Variants in TBC1D16 observed in about 807,000 individuals in gnomAD.
The protein encoded by TBC1D16 is CTD-2529O21.1.
In TBC1D16, 58 loss-of-function variants were observed where a neutral mutation model predicts 74.7. That is an observed-to-expected ratio of 0.78 (90% CI 0.63 to 0.97). The LOEUF is 0.97. TBC1D16 is among the 50% of genes least tolerant of loss of function. The probability of loss-of-function intolerance (pLI) is 0.00; values close to 1 mark genes in which losing one functional copy is unlikely to be tolerated. For missense variants in TBC1D16, 1,014 were observed against 1,079.5 expected (o/e 0.94, Z 0.85); for synonymous variants, 493 against 474.7 (o/e 1.04, Z -0.50).
At position 80,008,125 on chromosome 17, in the gene TBC1D16, G is replaced by A. The variant is rs145382152; in HGVS notation, c.779+2035C>T. On this transcript the variant is annotated intron_variant, in intron 3 of 11. Transcript: ENST00000310924. This position sits in a 1 kb window ranked among gnomAD's most constrained non-coding sequence, Gnocchi z 4.5. Reference sequence around the variant, plus strand: ...TCTAGAAGAACCTGGAGGGACCTGGGCATCAGCGTCTAAAGGCTCCCCCAG... The same window carrying A: ...TCTAGAAGAACCTGGAGGGACCTGGACATCAGCGTCTAAAGGCTCCCCCAG... Among the ~76,000 whole-genome samples, 286 of 152,180 alleles carry A rather than the reference G, an allele frequency of 1.9e-3. No individual in the cohort carries two copies. Among genetic ancestry groups the A allele is most frequent in the African/African-American group, 6.3e-3 (262 of 41,500 alleles).
chr17:79,968,285 C>T (rs2033923028), intron 3 of TBC1D16, among the ~76,000 whole-genome samples: 2 of 152,212 alleles, frequency 1.3e-5, no homozygotes, highest in Admixed American at 1.3e-4. Context: ...GGATTCGAGG[C>T]ATGAGCCGCT....
At chr17:79,977,698 G>A (rs1358960450) in intron 3 of TBC1D16, among the ~76,000 whole-genome samples, 1 of 152,244 alleles carries the variant, frequency 6.6e-6, no homozygotes, top group Non-Finnish European at 1.5e-5. Context: ...CAAAACTGAA[G>A]CACGTCTGGC....
At chr17:80,024,496 A>ATACACACAC (rs1442662363) in intron 1 of TBC1D16, among the ~76,000 whole-genome samples, 3 of 147,262 alleles carry the variant, frequency 2.0e-5, no homozygotes, top group Non-Finnish European at 4.5e-5. Context: ...GACACACACC[A>ATACACACAC]CACGCACCAT....
rs181082379 is a variant in TBC1D16, at chr17:79,980,203, T to C, written c.780-27385A>G. Among the ~76,000 whole-genome samples, 59 of 152,310 alleles carry C rather than the reference T, an allele frequency of 3.9e-4. No homozygotes were observed. Among genetic ancestry groups the C allele is most frequent in the African/African-American group, 1.4e-3 (58 of 41,560 alleles). On this transcript the variant is annotated intron_variant, in intron 3 of 11. Coordinates refer to ENST00000310924, the MANE Select transcript of TBC1D16 (RefSeq NM_019020.4). The surrounding 1 kb of genome is among the most constrained non-coding windows in gnomAD (Gnocchi z 7.0). ...GACGTTCCCCTAGGCAATTTAAAAATGGAGTGAATACTGATAATAATTTGA... is the reference window on the plus strand; with the variant it reads ...GACGTTCCCCTAGGCAATTTAAAAACGGAGTGAATACTGATAATAATTTGA...
In TBC1D16 at chr17:79,950,484, C is replaced by T; in HGVS notation, c.1184G>A (p.Arg395Lys). 6.2e-7 allele frequency: 1 copy of T among 1,613,318 alleles called. No homozygotes were observed. Among genetic ancestry groups the T allele is most frequent in the Non-Finnish European group, 8.5e-7 (1 of 1,179,888 alleles). The change falls in exon 6 of 12, where the codon AGG (arginine) becomes AAG (lysine). Residue 395 changes from arginine (R) to lysine (K), a missense_variant. Transcript: ENST00000310924. This position sits in a 1 kb window ranked among gnomAD's most constrained non-coding sequence, Gnocchi z 4.6. ...ETHPEESMYK[R>K]LGVSAWLNHL... is the part of the protein sequence containing the mutation. ...GTTGAGCCAGGCGGAGACGCCGAGC[C>T]TCTTGTACATGCTCTCCTCGGGGTG...
Position 79,948,898 on chromosome 17 carries a change from T to G in TBC1D16, c.1515A>C (p.Glu505Asp). The G allele has an allele frequency of 6.2e-7, 1 of 1,614,078 alleles. No homozygotes were observed. Among genetic ancestry groups the G allele is most frequent in the East Asian group, 2.2e-5 (1 of 44,880 alleles). ...TDRNNQFFRG[E>D]DNPNVESMRR... ...TCATGCTCTCCACATTGGGATTGTC[T>G]TCCCCCCGGAAGAACTGGTTGTTCC... Residue 505 changes from glutamate (E) to aspartate (D), a missense_variant, in exon 8 of 12, where the codon GAA becomes GAC. Glu to Asp is a conservative substitution (Grantham distance 45, BLOSUM62 2). Transcript: ENST00000310924.
Position 79,988,934 on chromosome 17 carries a change from C to T in TBC1D16, c.779+21226G>A, listed in dbSNP as rs1007343698. Among the ~76,000 whole-genome samples, 5 of 152,226 alleles carry T rather than the reference C, an allele frequency of 3.3e-5. No homozygotes were observed. Among genetic ancestry groups the T allele is most frequent in the Non-Finnish European group, 5.9e-5 (4 of 68,044 alleles). On this transcript the variant is annotated intron_variant, in intron 3 of 11. Coordinates refer to ENST00000310924, the MANE Select transcript of TBC1D16 (RefSeq NM_019020.4). This position sits in a 1 kb window ranked among gnomAD's most constrained non-coding sequence, Gnocchi z 5.7. ...TGCCCGCCGGCCCCAGGCCCTCCCT[C>T]AGGACCCAGCACCTTCAGTCCTCCT...
At chr17:79,998,635 G>A (rs982518883) in intron 3 of TBC1D16, among the ~76,000 whole-genome samples, 3 of 149,156 alleles carry the variant, frequency 2.0e-5, no homozygotes, top group Non-Finnish European at 4.4e-5. Flanking sequence ...GTGAGCCACC[G>A]CACCCGGCCC....
At chr17:79,968,835 G>A (rs1308899606) in intron 3 of TBC1D16, among the ~76,000 whole-genome samples, 2 of 93,516 alleles carry the variant, frequency 2.1e-5, no homozygotes, top group Non-Finnish European at 3.7e-5. Context: ...AGAGCCAGAT[G>A]CCGTCTCAAA....
intron 1 of TBC1D16, among the ~76,000 whole-genome samples, chr17:80,016,051 A>G (rs1474523764): frequency 3.3e-5 from 5 of 151,480 alleles, no homozygotes; most frequent in Non-Finnish European, 5.9e-5. Context: ...CTGGGAGTGG[A>G]TAAACCAAAT....
intron 3 of TBC1D16, among the ~76,000 whole-genome samples, chr17:79,960,799 A>C (rs868522130): frequency 2.7e-4 from 40 of 148,218 alleles, no homozygotes; most frequent in African/African-American, 9.1e-4. Context: ...AAAAAAAAAA[A>C]AAAAAAAAAA....
At position 80,030,493 on chromosome 17, in the gene TBC1D16, A is replaced by G. The variant is rs548367030; in HGVS notation, c.-63+5302T>C. Among the ~76,000 whole-genome samples, 45 of 152,340 alleles carry G rather than the reference A, an allele frequency of 3.0e-4. No individual in the cohort carries two copies. The South Asian group carries it at 8.5e-3, about 29-fold the overall frequency. On this transcript the variant is annotated intron_variant, in intron 1 of 11. Transcript: ENST00000310924. ...TTCCTGTCCTGGCCTAAAGGGCTTC[A>G]TCAGTTCCCAAACAGGAAAACAAAA...
Position 80,013,586 on chromosome 17 carries a change from C to CG in TBC1D16, c.-40dup. ...TTTCCATCCTCCGCATGCGTCGGCC[C>CG]GGGCAGGGCTCGTCAAGACCTGCCT... is the stretch of plus-strand genomic sequence containing the variant. On this transcript the variant is annotated 5_prime_UTR_variant, in exon 2 of 12. Coordinates refer to ENST00000310924, the MANE Select transcript of TBC1D16 (RefSeq NM_019020.4). 1 of 1,452,424 alleles carries CG rather than the reference C, an allele frequency of 6.9e-7. No individual in the cohort carries two copies. The highest frequency in any genetic ancestry group is 9.1e-7 in the Non-Finnish European group (1 of 1,099,214). 90.0% of individuals were successfully genotyped at this position (1,452,424 alleles called of 1,614,324 possible). A position where few individuals can be genotyped will look rare whatever the true frequency, so the allele number is the denominator to read the frequency against.
rs559025207 is a variant in TBC1D16, at chr17:80,017,212, G to A, written c.-62-3603C>T. The stretch of plus-strand genomic sequence containing the variant: ...AATGCTTTGGACTCTCTGGGCCGGA[G>A]AGTCTCTGTCGTGACCACTCAACTC... On this transcript the variant is annotated intron_variant, in intron 1 of 11. Coordinates refer to ENST00000310924, the MANE Select transcript of TBC1D16 (RefSeq NM_019020.4). Among the ~76,000 whole-genome samples the A allele has an allele frequency of 3.2e-4, 48 of 152,258 alleles. No individual in the cohort carries two copies. The South Asian group carries it at 8.1e-3, about 26-fold the overall frequency.
At position 80,006,023 on chromosome 17, in the gene TBC1D16, C is replaced by T. The variant is rs546610884; in HGVS notation, c.779+4137G>A. ...GAGCCAGCCTACCTGCTCTGCCCTCCGGGGGGACTCAACTCCGGGTTAATT... is the reference window on the plus strand; with the variant it reads ...GAGCCAGCCTACCTGCTCTGCCCTCTGGGGGGACTCAACTCCGGGTTAATT... On this transcript the variant is annotated intron_variant, in intron 3 of 11. Transcript: ENST00000310924. Among the ~76,000 whole-genome samples, 28 of 152,172 alleles carry T rather than the reference C, an allele frequency of 1.8e-4. No homozygotes were observed. The East Asian group carries it at 4.5e-3, about 24-fold the overall frequency.
chr17:80,028,488 C>G (rs1007184890), intron 1 of TBC1D16, among the ~76,000 whole-genome samples: 6 of 151,650 alleles, frequency 4.0e-5, no homozygotes, highest in Non-Finnish European at 1.5e-5. Flanking sequence ...AAGATGGCAC[C>G]ATTGCACTCC....
chr17:80,012,381 A>C (rs945214316), intron 2 of TBC1D16, among the ~76,000 whole-genome samples: 3 of 152,182 alleles, frequency 2.0e-5, no homozygotes, highest in Admixed American at 2.0e-4. Flanking sequence ...CACTCCAGGG[A>C]AGCCCCTGCC....
At chr17:79,999,235 G>A (rs998702473) in intron 3 of TBC1D16, among the ~76,000 whole-genome samples, 2 of 151,422 alleles carry the variant, frequency 1.3e-5, no homozygotes, top group East Asian at 1.9e-4. Flanking sequence ...CAGCCTGGGC[G>A]AGAGAGTGAG....
rs1483127544 is a variant in TBC1D16, at chr17:80,035,641, G to A, written c.-63+154C>T. On this transcript the variant is annotated intron_variant, in intron 1 of 11. Transcript: ENST00000310924. This position sits in a 1 kb window ranked among gnomAD's most constrained non-coding sequence, Gnocchi z 5.3. Reference sequence around the variant, plus strand: ...CCCCGCACCCCGAGGACGGCGGCCGGACCCCGGCCCCTCCCCGGTCCCGCG... The same window carrying A: ...CCCCGCACCCCGAGGACGGCGGCCGAACCCCGGCCCCTCCCCGGTCCCGCG... Among the ~76,000 whole-genome samples, 1 of 150,758 alleles carries A rather than the reference G, an allele frequency of 6.6e-6. No homozygotes were observed. The highest frequency in any genetic ancestry group is 1.9e-4 in the East Asian group (1 of 5,136).
Sources: gnomAD v4.1 joint callset for allele counts (sites outside exome capture counted in the v4.1 genomes callset) on GRCh38, gnomAD v4.1.1 for gene constraint, Gnocchi (gnomAD v3.1) non-coding constraint, MANE v1.5 for transcripts, NCBI Gene and HGNC (gene_info 2026-07-23, HGNC 2026-07-21) for gene names.